SORBS2: variants seen among roughly 807,000 people sequenced by gnomAD.
SORBS2 encodes the protein sorbin and SH3 domain-containing protein 2.
Under a neutral mutation model 97.7 loss-of-function variants are expected in SORBS2, and 46 were observed. That is an observed-to-expected ratio of 0.47 (90% CI 0.37 to 0.60). The LOEUF (loss-of-function observed/expected upper bound fraction) is 0.60. SORBS2 is among the 20% of genes least tolerant of loss of function. The pLI, the probability that SORBS2 is intolerant of heterozygous loss-of-function variation, is 0.00. For missense variants in SORBS2, 1,316 were observed against 1,282.3 expected (o/e 1.03, Z -0.40); for synonymous variants, 476 against 473.4 (o/e 1.01, Z -0.07).
At chr4:185,600,022 T>C (rs1045749312) in intron 12 of SORBS2, among the ~76,000 whole-genome samples, 2 of 152,200 alleles carry the variant, frequency 1.3e-5, no homozygotes, top group African/African-American at 4.8e-5. Flanking sequence ...CGAGGAGGCT[T>C]ACCCAGGACA....
chr4:185,635,275 T>C, intron 4 of SORBS2, 80 bp downstream of exon 16: 1 of 1,034,372 alleles, frequency 9.7e-7, no homozygotes, highest in Non-Finnish European at 1.5e-6. Context: ...TTACAGAGAA[T>C]TGTAAAACAC....
chr4:185,596,681 C>T (rs1373365747), intron 12 of SORBS2, among the ~76,000 whole-genome samples: 2 of 151,682 alleles, frequency 1.3e-5, no homozygotes, highest in Admixed American at 6.6e-5. Context: ...ACTACAGGCA[C>T]GCACCACCGT....
At chr4:185,811,002 G>C (rs34011237) in intron 1 of SORBS2, 6 of 151,974 alleles carry the variant, frequency 3.9e-5, no homozygotes, top group African/African-American at 1.4e-4. Context: ...TCTGAGCCGG[G>C]GGAGCACAAT....
intron 4 of SORBS2, chr4:185,675,262 T>C (rs1455754944): frequency 3.3e-5 from 5 of 152,324 alleles, no homozygotes; most frequent in Non-Finnish European, 7.3e-5. Context: ...TGATATGTGT[T>C]CCTATGACTT....
chr4:185,936,965 A>T (rs1276151273), intron 1 of SORBS2, among the ~76,000 whole-genome samples: 1 of 152,236 alleles, frequency 6.6e-6, no homozygotes. Context: ...CTTAGACAGT[A>T]AGAGGACTAC....
chr4:185,712,018 C>A (rs2098424853), intron 2 of SORBS2, among the ~76,000 whole-genome samples: 1 of 152,112 alleles, frequency 6.6e-6, no homozygotes. Flanking sequence ...TGGAGCAGAT[C>A]CTACTGATAT....
At chr4:185,585,535 C>A (rs2095792755) in exon 15 of SORBS2, 1 of 152,098 alleles carries the variant, frequency 6.6e-6, no homozygotes, top group Non-Finnish European at 1.5e-5. Context: ...TACTTCCAAG[C>A]AAAATTTATT....
At chr4:185,761,223 A>G (rs1216774561) in intron 2 of SORBS2, among the ~76,000 whole-genome samples, 2 of 152,352 alleles carry the variant, frequency 1.3e-5, no homozygotes, top group East Asian at 1.9e-4. Context: ...CAGAGATTTT[A>G]CTTCAATATC....
At position 185,833,139 on chromosome 4, in the gene SORBS2, T is replaced by C. The variant is rs528680677; in HGVS notation, c.-337-57773A>G. Among the ~76,000 whole-genome samples the C allele has an allele frequency of 3.3e-5, 5 of 152,318 alleles. No homozygotes were observed. The East Asian group carries it at 9.7e-4, about 29-fold the overall frequency. On this transcript the variant is annotated intron_variant, in intron 1 of 20. Coordinates refer to the SORBS2 transcript ENST00000284776. ...ATTCCAAAGAACAAAAGATAAGTTA[T>C]CCATGGAAAATGAAGTCATGATTTT...
chr4:185,868,392 G>A (rs555707941), intron 1 of SORBS2, among the ~76,000 whole-genome samples: 5 of 151,724 alleles, frequency 3.3e-5, no homozygotes, highest in South Asian at 4.2e-4. Flanking sequence ...TCCTGATCTC[G>A]TGATCCACCC....
intron 1 of SORBS2, among the ~76,000 whole-genome samples, chr4:185,868,159 C>CTTTCTTTTTTT (rs59057506): frequency 4.8e-5 from 5 of 105,222 alleles, no homozygotes; most frequent in African/African-American, 2.0e-4. Context: ...TTTTTTCTTT[C>CTTTCTTTTTTT]TTTTTTTTTT....
intron 1 of SORBS2, among the ~76,000 whole-genome samples, chr4:185,787,882 C>T (rs536972034): frequency 6.6e-6 from 1 of 152,298 alleles, no homozygotes; most frequent in Admixed American, 6.5e-5. Flanking sequence ...AAGCACATTA[C>T]GAAACCTAGG....
At chr4:185,955,895 G>A (rs2099279313) in intron 1 of SORBS2, among the ~76,000 whole-genome samples, 1 of 151,942 alleles carries the variant, frequency 6.6e-6, no homozygotes, top group Non-Finnish European at 1.5e-5. Context: ...AGTTATAAAG[G>A]TAGCAGAATG....
At chr4:185,629,713 C>G (rs1192589418) in intron 5 of SORBS2, among the ~76,000 whole-genome samples, 1 of 151,834 alleles carries the variant, frequency 6.6e-6, no homozygotes, top group African/African-American at 2.4e-5. Flanking sequence ...GAGGGGCATG[C>G]CACCATGTCT....
intron 2 of SORBS2, among the ~76,000 whole-genome samples, chr4:185,680,964 A>C (rs1046019620): frequency 6.6e-5 from 10 of 152,084 alleles, no homozygotes; most frequent in South Asian, 2.1e-4. Flanking sequence ...TTTCCAAATG[A>C]ATCTGTCCCT....
intron 12 of SORBS2, 133 bp from the exon 25 acceptor site, chr4:185,594,068 C>A (rs1007557362): frequency 4.4e-5 from 28 of 638,030 alleles, no homozygotes; most frequent in African/African-American, 3.4e-4. Context: ...AAGAAAAAAA[C>A]CAAATAAAAG....
At chr4:185,620,340 A>C (rs1029081363) in intron 7 of SORBS2, among the ~76,000 whole-genome samples, 189 bp from the exon 20 acceptor site, 1 of 152,210 alleles carries the variant, frequency 6.6e-6, no homozygotes, top group African/African-American at 2.4e-5. Flanking sequence ...AGAGCATTTC[A>C]AAAGGAAAAA....
intron 1 of SORBS2, among the ~76,000 whole-genome samples, chr4:185,808,199 A>G (rs1585168024): frequency 6.6e-6 from 1 of 152,182 alleles, no homozygotes; most frequent in Non-Finnish European, 1.5e-5. Flanking sequence ...TCTTACTTTT[A>G]TTAGAAAACT....
At chr4:185,843,980 C>T (rs2099213064) in intron 1 of SORBS2, among the ~76,000 whole-genome samples, 1 of 152,148 alleles carries the variant, frequency 6.6e-6, no homozygotes, top group South Asian at 2.1e-4. Flanking sequence ...CACTGTAAAC[C>T]TACAGTGTTG....
Sources: allele counts gnomAD v4.1 joint callset (sites outside exome capture counted in the v4.1 genomes callset), GRCh38; gene constraint gnomAD v4.1.1; transcripts MANE v1.5; gene names NCBI Gene and HGNC (gene_info 2026-07-23, HGNC 2026-07-21).